Variants in ATP2A1 observed in about 807,000 individuals in gnomAD.
ATP2A1 encodes the protein ATPase sarcoplasmic/endoplasmic reticulum Ca2+ transporting 1.
Under a neutral mutation model 109.5 loss-of-function variants are expected in ATP2A1, and 83 were observed. That is an observed-to-expected ratio of 0.76 (90% CI 0.63 to 0.91). ATP2A1 has a LOEUF of 0.91. Ranked by LOEUF, ATP2A1 falls within the 40% of genes least tolerant of loss-of-function variation. The pLI, the probability that ATP2A1 is intolerant of heterozygous loss-of-function variation, is 0.00. For missense variants in ATP2A1, 1,101 were observed against 1,341.0 expected (o/e 0.82, Z 2.80); for synonymous variants, 505 against 537.6 (o/e 0.94, Z 0.84).
At position 28,882,545 on chromosome 16, in the gene ATP2A1, T is replaced by TC; in HGVS notation, c.420dup (p.Lys141GlnfsTer36). ...GCTGACCGCAAGTCAGTGCAAAGGA[T>TC]CAAGGCTCGGGACATCGTCCCTGGG... On this transcript the variant is annotated frameshift_variant, in exon 5 of 23. Transcript: ENST00000395503. LOFTEE classifies it high-confidence loss of function. The TC allele has an allele frequency of 6.2e-7, 1 of 1,614,144 alleles. No individual in the cohort carries two copies. The highest frequency in any genetic ancestry group is 8.5e-7 in the Non-Finnish European group (1 of 1,180,014).
chr16:28,904,364 A>T lies in ATP2A1; in HGVS notation c.*222A>T. The T allele has an allele frequency of 6.5e-7, 1 of 1,540,350 alleles. No homozygotes were observed. Among genetic ancestry groups the T allele is most frequent in the Non-Finnish European group, 8.7e-7 (1 of 1,148,434 alleles). ...CCCCTCGGCCACCCGCCTCCCTCTC[A>T]ACCTTGTAAATTCCCCTTCCCAACC... is the stretch of plus-strand genomic sequence containing the variant. On this transcript the variant is annotated 3_prime_UTR_variant, in exon 23 of 23. Transcript: ENST00000395503.
intron 22 of ATP2A1, 97 bp from the exon 23 acceptor site, chr16:28,904,083 C>T (rs1964176182): frequency 8.6e-7 from 1 of 1,166,416 alleles, no homozygotes; most frequent in Non-Finnish European, 1.3e-6. Flanking sequence ...TGGTAAGCTT[C>T]TGAGCCTCCA....
At chr16:28,886,448 G>A (rs976473061) in intron 6 of ATP2A1, among the ~76,000 whole-genome samples, 1 of 152,138 alleles carries the variant, frequency 6.6e-6, no homozygotes, top group Non-Finnish European at 1.5e-5. Flanking sequence ...GCCCAGGCTT[G>A]CTGCTGAGCC....
In ATP2A1 at chr16:28,880,158, C is replaced by G. The variant is rs776782531; in HGVS notation, c.219+575C>G. The G allele has an allele frequency of 6.3e-5, 62 of 990,076 alleles. No individual in the cohort carries two copies. The highest frequency in any genetic ancestry group is 7.4e-5 in the Non-Finnish European group (62 of 832,826). The allele number at this position is 990,076 out of a possible 1,614,324, so 61.3% of individuals were successfully genotyped here. A position where few individuals can be genotyped will look rare whatever the true frequency, so the allele number is the denominator to read the frequency against. On this transcript the variant is annotated intron_variant, in intron 3 of 22. Coordinates refer to ENST00000395503, the MANE Select transcript of ATP2A1 (RefSeq NM_004320.6). This position sits in a 1 kb window ranked among gnomAD's most constrained non-coding sequence, Gnocchi z 4.2. ...CCTGGCCTTAGCCCTTCCCCGCGCT[C>G]CCTAGGCACCCCCACCCCCGCAGGG...
At chr16:28,882,627 T>G in intron 5 of ATP2A1, 38 bp downstream of exon 5, 1 of 1,612,078 alleles carries the variant, frequency 6.2e-7, no homozygotes, top group South Asian at 1.1e-5. Context: ...ATGGGAGGCC[T>G]TGGGGCTGAG....
rs1159403804 is a variant in ATP2A1 at position 28,898,518 on chromosome 16, C to A, written c.1764+67C>A. 6.6e-6 allele frequency: 10 copies of A among 1,508,340 alleles called. No individual in the cohort carries two copies. The highest frequency in any genetic ancestry group is 1.4e-5 in the African/African-American group (1 of 72,150). 93.4% of individuals were successfully genotyped at this position (1,508,340 alleles called of 1,614,324 possible). On this transcript the variant is annotated intron_variant, in intron 14 of 22. Coordinates refer to ENST00000395503, the MANE Select transcript of ATP2A1 (RefSeq NM_004320.6). This position sits in a 1 kb window ranked among gnomAD's most constrained non-coding sequence, Gnocchi z 4.0. ...GGGCCGGGTCCCAGCCATCCACTCACAGCTCCACCACCCGGATCATTTCCT... is the reference window on the plus strand; with the variant it reads ...GGGCCGGGTCCCAGCCATCCACTCAAAGCTCCACCACCCGGATCATTTCCT...
chr16:28,894,659 G>A (rs1326506809), intron 11 of ATP2A1, 52 bp downstream of exon 11: 2 of 1,604,970 alleles, frequency 1.2e-6, no homozygotes, highest in Admixed American at 3.3e-5. Context: ...CTCCTCCGAA[G>A]GCCAGGAGGA....
rs376195273 is a variant in ATP2A1, at chr16:28,887,613, T to G, written c.819T>G (p.Leu273=). 5 of 1,613,938 alleles carry G rather than the reference T, an allele frequency of 3.1e-6. No individual in the cohort carries two copies. The African/African-American group carries it at 6.7e-5, about 22-fold the overall frequency. ...CCCTCATCTGTGTGGCTGTCTGGCT[T>G]ATCAACATTGGCCACTTCAACGACC... is the stretch of plus-strand genomic sequence containing the variant. The part of the protein sequence containing the change: ...VISLICVAVW[L]INIGHFNDPV... The change falls in exon 8 of 23, where the codon CTT becomes CTG. Residue 273 remains leucine (L), a synonymous_variant. Coordinates refer to ENST00000395503, the MANE Select transcript of ATP2A1 (RefSeq NM_004320.6).
At chr16:28,890,560 CG>C (rs1486095571) in intron 9 of ATP2A1, among the ~76,000 whole-genome samples, 1 of 149,624 alleles carries the variant, frequency 6.7e-6, no homozygotes, top group Non-Finnish European at 1.5e-5. Context: ...GAGGCTGAGG[CG>C]GAAGGATCAC....
At chr16:28,891,122 C>T (rs887795060) in intron 9 of ATP2A1, among the ~76,000 whole-genome samples, 10 of 151,538 alleles carry the variant, frequency 6.6e-5, no homozygotes, top group African/African-American at 2.2e-4. Context: ...ATGGAGAAAC[C>T]CCGTCTCTAC....
intron 2 of ATP2A1, 45 bp downstream of exon 2, chr16:28,879,161 AC>A: frequency 6.8e-7 from 1 of 1,470,750 alleles, no homozygotes; most frequent in South Asian, 1.1e-5. Flanking sequence ...ACCACCCCCC[AC>A]CCCGCCCTGT....
At chr16:28,885,253 A>C (rs1963585870) in intron 6 of ATP2A1, among the ~76,000 whole-genome samples, 2 of 151,192 alleles carry the variant, frequency 1.3e-5, no homozygotes, top group Non-Finnish European at 3.0e-5. Flanking sequence ...CCATCTCAAA[A>C]AAAAAAAAAA....
intron 3 of ATP2A1, 84 bp downstream of exon 3, chr16:28,879,667 T>C: frequency 6.9e-7 from 1 of 1,444,020 alleles, no homozygotes; most frequent in Non-Finnish European, 9.5e-7. Context: ...CACTGGATCC[T>C]CCCGTCCGAG....
Position 28,902,592 on chromosome 16 carries a change from C to A in ATP2A1, c.2537C>A (p.Ala846Glu). 1.9e-6 allele frequency: 3 copies of A among 1,614,082 alleles called. No individual in the cohort carries two copies. Among genetic ancestry groups the A allele is most frequent in the Non-Finnish European group, 2.5e-6 (3 of 1,179,952 alleles). Reference protein sequence around the residue: ...RYMAIGGYVGAATVGAAAWWF... With the variant: ...RYMAIGGYVGEATVGAAAWWF... ...CTCTCCACCACAGGCTATGTGGGTG[C>A]AGCCACCGTGGGAGCAGCTGCCTGG... The change falls in exon 18 of 23, where the codon GCA becomes GAA. Residue 846 changes from alanine to glutamate, a missense_variant. Physicochemically the swap from Ala to Glu is moderately radical, Grantham distance 107 (BLOSUM62 -1). Transcript: ENST00000395503. This position sits in a 1 kb window ranked among gnomAD's most constrained non-coding sequence, Gnocchi z 4.8.
Position 28,887,493 on chromosome 16 carries a change from G to T in ATP2A1, c.699G>T (p.Gly233=). Residue 233 remains glycine, a synonymous_variant, in exon 8 of 23, where the codon GGG becomes GGT. Transcript: ENST00000395503. ...VATTGVGTEI[G]KIRDQMAATE... ...CCACTGGTGTGGGCACCGAGATTGG[G>T]AAGATCCGAGACCAAATGGCTGCCA... 1 of 1,614,078 alleles carries T rather than the reference G, an allele frequency of 6.2e-7. No individual in the cohort carries two copies. Among genetic ancestry groups the T allele is most frequent in the African/African-American group, 1.3e-5 (1 of 75,020 alleles).
rs1174902675 is a variant in ATP2A1 at position 28,902,123 on chromosome 16, A to T, written c.2321+40A>T. The stretch of plus-strand genomic sequence containing the variant: ...GGGCGTCCAGGAGGAAGCCGGGGTT[A>T]GGGTGGGGTGGCTGCAGGTCTGGGA... On this transcript the variant is annotated intron_variant, in intron 16 of 22. Coordinates refer to ENST00000395503, the MANE Select transcript of ATP2A1 (RefSeq NM_004320.6). The surrounding 1 kb of genome is among the most constrained non-coding windows in gnomAD (Gnocchi z 4.8). 2.5e-6 allele frequency: 4 copies of T among 1,613,710 alleles called. No homozygotes were observed. In the Admixed American group the frequency reaches 6.7e-5, roughly 27 times the overall value.
rs768320423 is a variant in ATP2A1 at position 28,901,328 on chromosome 16, CAAA to C, written c.2100+432_2100+434del. Among the ~76,000 whole-genome samples the C allele has an allele frequency of 4.6e-4, 26 of 55,920 alleles. No individual in the cohort carries two copies. In the South Asian group the frequency reaches 0.012, roughly 27 times the overall value. 36.7% of individuals were successfully genotyped at this position (55,920 alleles called of 152,430 possible). On this transcript the variant is annotated intron_variant, in intron 15 of 22. Coordinates refer to ENST00000395503, the MANE Select transcript of ATP2A1 (RefSeq NM_004320.6). ...TGGGCAATAGAGTGAGACCCTGTCT[CAAA>C]AAAAAAAAAAAAAAAAAAAGGTGGG... is the stretch of plus-strand genomic sequence containing the variant.
intron 9 of ATP2A1, among the ~76,000 whole-genome samples, chr16:28,891,274 C>T (rs144168973): frequency 3.3e-5 from 5 of 150,966 alleles, no homozygotes; most frequent in Admixed American, 6.6e-5. Flanking sequence ...CCAGCCTAGG[C>T]GACAAAAGCA....
intron 9 of ATP2A1, among the ~76,000 whole-genome samples, chr16:28,892,113 C>G (rs1383655366): frequency 6.6e-6 from 1 of 152,006 alleles, no homozygotes; most frequent in Non-Finnish European, 1.5e-5. Context: ...ATAAATTATG[C>G]TATTTTGAGA....
Sources: allele counts gnomAD v4.1 joint callset (sites outside exome capture counted in the v4.1 genomes callset), GRCh38; gene constraint gnomAD v4.1.1; non-coding constraint Gnocchi (gnomAD v3.1); transcripts MANE v1.5; gene names NCBI Gene and HGNC (gene_info 2026-07-23, HGNC 2026-07-21).